The following CYB5A variants were observed in gnomAD, a reference collection of about 807,000 sequenced individuals.
The protein encoded by CYB5A is cytochrome b5.
In CYB5A, 10 loss-of-function variants were observed where a neutral mutation model predicts 16.2. The observed-to-expected ratio is 0.62, with a 90% confidence interval of 0.38 to 1.04. The LOEUF (loss-of-function observed/expected upper bound fraction) is 1.04, where lower values mean the gene tolerates loss of function less well. Among genes scored for constraint, CYB5A ranks in the 50% least tolerant of loss-of-function variants. The pLI is 0.01. For synonymous variants in CYB5A, 62 were observed against 57.0 expected (o/e 1.09, Z -0.40); for missense variants, 161 against 165.9 (o/e 0.97, Z 0.16).
intron 1 of CYB5A, among the ~76,000 whole-genome samples, chr18:74,289,947 G>A (rs191050644): frequency 5.3e-5 from 8 of 152,232 alleles, no homozygotes; most frequent in Non-Finnish European, 1.0e-4. Flanking sequence ...TTTAGGAGAA[G>A]ACAAGAAAAG....
At position 74,279,560 on chromosome 18, in the gene CYB5A, T is replaced by C. The variant is rs1405122529; in HGVS notation, c.129+12187A>G. Among the ~76,000 whole-genome samples, 3 of 142,462 alleles carry C rather than the reference T, an allele frequency of 2.1e-5. No homozygotes were observed. The East Asian group carries it at 5.9e-4, about 28-fold the overall frequency. The allele number at this position is 142,462 out of a possible 152,430, so 93.5% of individuals were successfully genotyped here. A position where few individuals can be genotyped will look rare whatever the true frequency, so the allele number is the denominator to read the frequency against. ...TAAATAAATAATAAATAAAAATAAA[T>C]AAAAAACAAAAGAGATAATAGAATA... On this transcript the variant is annotated intron_variant, in intron 1 of 4. Transcript: ENST00000340533.
At chr18:74,256,993 A>G in intron 3 of CYB5A, 2 of 670,086 alleles carry the variant, frequency 3.0e-6, no homozygotes, top group East Asian at 2.7e-5. Flanking sequence ...TTGTGTATAT[A>G]TGAATAAAAT....
intron 3 of CYB5A, chr18:74,256,473 C>T (rs1440421245): frequency 3.7e-6 from 1 of 269,516 alleles, no homozygotes; most frequent in Admixed American, 4.8e-5. Flanking sequence ...GGGAGCAGCT[C>T]TTTTGAGTAG....
intron 1 of CYB5A, among the ~76,000 whole-genome samples, chr18:74,273,063 G>A (rs927198049): frequency 2.6e-5 from 4 of 152,218 alleles, no homozygotes; most frequent in African/African-American, 7.2e-5. Flanking sequence ...TTGTAAAGCT[G>A]AGGATTTATC....
At chr18:74,261,328 T>C in intron 2 of CYB5A, 2 of 276,698 alleles carry the variant, frequency 7.2e-6, no homozygotes, top group East Asian at 1.7e-4. Context: ...ACGTGTATGA[T>C]ATCTTCAGTT....
chr18:74,278,407 C>A (rs1982965305), intron 1 of CYB5A, among the ~76,000 whole-genome samples: 1 of 152,212 alleles, frequency 6.6e-6, no homozygotes, highest in Non-Finnish European at 1.5e-5. Flanking sequence ...GATCAGTTCA[C>A]TTTTCCTTCT....
intron 1 of CYB5A, among the ~76,000 whole-genome samples, chr18:74,286,212 T>G (rs552819942): frequency 6.6e-6 from 1 of 152,362 alleles, no homozygotes; most frequent in East Asian, 1.9e-4. Context: ...GAGTTTCTTC[T>G]TTGCAGTTTT....
chr18:74,256,050 C>T (rs576389470), intron 3 of CYB5A: 9 of 406,662 alleles, frequency 2.2e-5, no homozygotes, highest in South Asian at 5.6e-5. Context: ...ATCTTGCACA[C>T]GCTAGGCATC....
intron 1 of CYB5A, among the ~76,000 whole-genome samples, chr18:74,271,647 CGTGTGTGT>C (rs140764495): frequency 2.7e-5 from 4 of 149,844 alleles, no homozygotes; most frequent in Non-Finnish European, 4.5e-5. Flanking sequence ...ATGTACTTAT[CGTGTGTGT>C]GTGTGTGTGT....
Position 74,253,307 on chromosome 18 carries a change from C to A in CYB5A, c.*277G>T. The A allele has an allele frequency of 2.7e-6, 1 of 369,448 alleles. No homozygotes were observed. Among genetic ancestry groups the A allele is most frequent in the Non-Finnish European group, 5.2e-6 (1 of 192,060 alleles). 22.9% of individuals were successfully genotyped at this position (369,448 alleles called of 1,614,324 possible). Reference sequence around the variant, plus strand: ...GCAAACACGGTGCATACTTTAAAAGCCAAATATATTTTTAAAAGATCATGC... The same window carrying A: ...GCAAACACGGTGCATACTTTAAAAGACAAATATATTTTTAAAAGATCATGC... On this transcript the variant is annotated 3_prime_UTR_variant, in exon 5 of 5. Transcript: ENST00000340533.
At chr18:74,274,706 G>T (rs1420829964) in intron 1 of CYB5A, among the ~76,000 whole-genome samples, 1 of 152,142 alleles carries the variant, frequency 6.6e-6, no homozygotes, top group African/African-American at 2.4e-5. Context: ...TTTTGGAATT[G>T]TCTTTGCCAG....
At chr18:74,271,974 T>C (rs1982687479) in intron 1 of CYB5A, among the ~76,000 whole-genome samples, 1 of 152,196 alleles carries the variant, frequency 6.6e-6, no homozygotes, top group African/African-American at 2.4e-5. Context: ...ATGTAGAAAG[T>C]AAAAAGTTTC....
intron 1 of CYB5A, among the ~76,000 whole-genome samples, chr18:74,286,176 C>T (rs1021987968): frequency 2.0e-5 from 3 of 152,230 alleles, no homozygotes; most frequent in Admixed American, 6.5e-5. Flanking sequence ...TGGCCACCTT[C>T]GGGGAGCAGA....
intron 1 of CYB5A, among the ~76,000 whole-genome samples, chr18:74,284,136 CAA>C (rs1008750987): frequency 4.8e-5 from 7 of 145,550 alleles, no homozygotes; most frequent in African/African-American, 1.8e-4. Flanking sequence ...GAGGCTGAGG[CAA>C]GAGAATCGCT....
Position 74,291,955 on chromosome 18 carries a change from G to T in CYB5A, c.-80C>A. Reference sequence around the variant, plus strand: ...GCGCGCGACTCAGCCAGCTCCACCCGGGACATTCCCCGCGCCGGGAACCCC... The same window carrying T: ...GCGCGCGACTCAGCCAGCTCCACCCTGGACATTCCCCGCGCCGGGAACCCC... On this transcript the variant is annotated 5_prime_UTR_variant, in exon 1 of 5. Transcript: ENST00000340533. The T allele has an allele frequency of 6.3e-7, 1 of 1,596,932 alleles. No homozygotes were observed. The highest frequency in any genetic ancestry group is 8.5e-7 in the Non-Finnish European group (1 of 1,176,830).
chr18:74,291,297 G>A (rs2145093408), intron 1 of CYB5A, among the ~76,000 whole-genome samples: 1 of 152,366 alleles, frequency 6.6e-6, no homozygotes, highest in Admixed American at 6.5e-5. Context: ...GCTATCCCCG[G>A]AAGGCTGCTC....
chr18:74,274,588 T>C (rs1189903415), intron 1 of CYB5A, among the ~76,000 whole-genome samples: 1 of 152,224 alleles, frequency 6.6e-6, no homozygotes, highest in African/African-American at 2.4e-5. Context: ...AGCTGGTCAC[T>C]GGGTGAAAAC....
At chr18:74,260,097 C>T (rs1227693103) in intron 3 of CYB5A, 1 of 152,216 alleles carries the variant, frequency 6.6e-6, no homozygotes, top group Non-Finnish European at 1.5e-5. Flanking sequence ...GCAGCAACAG[C>T]TCAAAAAATC....
At chr18:74,291,669 C>T in intron 1 of CYB5A, 78 bp downstream of exon 1, 1 of 1,603,906 alleles carries the variant, frequency 6.2e-7, no homozygotes, top group Non-Finnish European at 8.5e-7. Context: ...CTCCGGGCCG[C>T]GAAAGACAGG....
Sources: gnomAD v4.1 joint callset for allele counts (sites outside exome capture counted in the v4.1 genomes callset) on GRCh38, gnomAD v4.1.1 for gene constraint, MANE v1.5 for transcripts, NCBI Gene and HGNC (gene_info 2026-07-23, HGNC 2026-07-21) for gene names.